SMAD1: variants seen among roughly 807,000 people sequenced by gnomAD.
SMAD1 encodes the protein SMAD family member 1.
SMAD1 carries 6 observed loss-of-function variants against 41.6 expected under a neutral mutation model. That is an observed-to-expected ratio of 0.14 (90% CI 0.08 to 0.28). The LOEUF is 0.28. Ranked by LOEUF, SMAD1 falls within the 10% of genes least tolerant of loss-of-function variation. The pLI is 1.00. For missense variants in SMAD1, 379 were observed against 582.6 expected (o/e 0.65, Z 3.60); for synonymous variants, 206 against 203.2 (o/e 1.01, Z -0.12).
At position 145,544,837 on chromosome 4, in the gene SMAD1, C is replaced by G. The variant is rs181554275; in HGVS notation, c.776-1866C>G. On this transcript the variant is annotated intron_variant, in intron 4 of 6. Coordinates refer to ENST00000302085, the MANE Select transcript of SMAD1 (RefSeq NM_005900.3). ...GAATTTATATTTGGGGACCAGGATACCAGGAGAGAATAGGCACAGTACCAC... is the reference window on the plus strand; with the variant it reads ...GAATTTATATTTGGGGACCAGGATAGCAGGAGAGAATAGGCACAGTACCAC... 9 of 152,162 alleles carry G rather than the reference C, an allele frequency of 5.9e-5. No individual in the cohort carries two copies. In the East Asian group the frequency reaches 1.5e-3, roughly 26 times the overall value. The allele number at this position is 152,162 out of a possible 1,614,324, so 9.4% of individuals were successfully genotyped here.
intron 3 of SMAD1, among the ~76,000 whole-genome samples, chr4:145,541,661 T>G (rs1731942719): frequency 1.3e-5 from 2 of 152,166 alleles, no homozygotes; most frequent in South Asian, 4.1e-4. Flanking sequence ...TGGAAATCAC[T>G]GGGGCTCTCT....
intron 2 of SMAD1, among the ~76,000 whole-genome samples, chr4:145,519,892 T>C (rs1413668123): frequency 3.9e-5 from 6 of 152,224 alleles, no homozygotes; most frequent in Admixed American, 6.5e-5. Flanking sequence ...AGTGAGATTG[T>C]GCAGTATTCG....
chr4:145,482,755 C>T lies in SMAD1; in HGVS notation c.-177+717C>T, dbSNP rs1020476733. The T allele has an allele frequency of 2.0e-5, 3 of 152,274 alleles. No individual in the cohort carries two copies. The highest frequency in any genetic ancestry group is 7.2e-5 in the African/African-American group (3 of 41,442). 9.4% of individuals were successfully genotyped at this position (152,274 alleles called of 1,614,324 possible). On this transcript the variant is annotated intron_variant, in intron 1 of 6. Transcript: ENST00000302085. The surrounding 1 kb of genome is among the most constrained non-coding windows in gnomAD (Gnocchi z 4.2). ...TTTCCCCCTCTTCCGCCTACACCCG[C>T]TGCGTCTCCTGGTGTCTCGTTCCTT... is the stretch of plus-strand genomic sequence containing the variant.
Position 145,514,435 on chromosome 4 carries a change from TAG to T in SMAD1, c.-176-2_-176-1del. The stretch of plus-strand genomic sequence containing the variant: ...TTCTAACCATTCTTTTTTTGTTTTG[TAG>T]GTGCTGACTGGGTTACTTTTTTAAA... On this transcript the variant is annotated splice_acceptor_variant, in intron 1 of 6. Transcript: ENST00000302085. LOFTEE classifies it low-confidence loss of function (5UTR_SPLICE). The surrounding 1 kb of genome is among the most constrained non-coding windows in gnomAD (Gnocchi z 4.7). 1.8e-6 allele frequency: 1 copy of T among 544,854 alleles called. No homozygotes were observed. Among genetic ancestry groups the T allele is most frequent in the African/African-American group, 1.9e-5 (1 of 52,638 alleles). 33.8% of individuals were successfully genotyped at this position (544,854 alleles called of 1,614,324 possible).
chr4:145,558,026 A>T lies in SMAD1; in HGVS notation c.*92A>T. 1 of 907,264 alleles carries T rather than the reference A, an allele frequency of 1.1e-6. No individual in the cohort carries two copies. The highest frequency in any genetic ancestry group is 1.6e-6 in the Non-Finnish European group (1 of 639,224). The allele number at this position is 907,264 out of a possible 1,614,324, so 56.2% of individuals were successfully genotyped here. The stretch of plus-strand genomic sequence containing the variant: ...AGACACGATTGAGAACTGACAAAGG[A>T]GCCTTGATAATACTTGACCTCTGTG... On this transcript the variant is annotated 3_prime_UTR_variant, in exon 7 of 7. Transcript: ENST00000302085.
rs1340868784 is a variant in SMAD1, at chr4:145,514,882, G to A, written c.269G>A (p.Arg90His). ...GGACTGCCTCATGTCATTTACTGCC[G>A]TGTGTGGCGCTGGCCCGATCTTCAG... ...RKGLPHVIYC[R>H]VWRWPDLQSH... Residue 90 changes from arginine to histidine, a missense_variant, in exon 2 of 7, where the codon CGT becomes CAT. Transcript: ENST00000302085. This position sits in a 1 kb window ranked among gnomAD's most constrained non-coding sequence, Gnocchi z 4.7. The A allele has an allele frequency of 6.2e-7, 1 of 1,613,926 alleles. No homozygotes were observed. Among genetic ancestry groups the A allele is most frequent in the Non-Finnish European group, 8.5e-7 (1 of 1,180,034 alleles).
intron 2 of SMAD1, among the ~76,000 whole-genome samples, chr4:145,522,928 C>G (rs887935857): frequency 1.3e-5 from 2 of 152,118 alleles, no homozygotes; most frequent in African/African-American, 4.8e-5. Context: ...CTGCCCGCCT[C>G]AGCCTCCCAA....
intron 6 of SMAD1, 152 bp from the exon 7 acceptor site, chr4:145,557,639 C>T (rs1452821054): frequency 5.7e-6 from 3 of 522,572 alleles, no homozygotes; most frequent in Non-Finnish European, 1.0e-5. Context: ...TGCGTTTGTG[C>T]ATGTGTGTTT....
intron 1 of SMAD1, among the ~76,000 whole-genome samples, chr4:145,500,073 G>A (rs1045031507): frequency 6.6e-6 from 1 of 152,134 alleles, no homozygotes; most frequent in African/African-American, 2.4e-5. Flanking sequence ...TGTACTTTGA[G>A]AATATATCCA....
chr4:145,507,444 A>G (rs7681713), intron 1 of SMAD1, among the ~76,000 whole-genome samples: 29 of 152,054 alleles, frequency 1.9e-4, no homozygotes, highest in African/African-American at 7.0e-4. Flanking sequence ...AGGTCTGTAT[A>G]ATATTCCATT....
intron 1 of SMAD1, among the ~76,000 whole-genome samples, chr4:145,490,960 C>A (rs989538890): frequency 6.6e-6 from 1 of 152,082 alleles, no homozygotes; most frequent in Non-Finnish European, 1.5e-5. Context: ...CAGAAAGATT[C>A]TGCAGTGGAT....
intron 2 of SMAD1, among the ~76,000 whole-genome samples, chr4:145,538,602 C>T (rs1731743917): frequency 6.6e-6 from 1 of 152,110 alleles, no homozygotes; most frequent in Admixed American, 6.6e-5. Flanking sequence ...TGCATAGATT[C>T]CCTGGAAAGC....
At chr4:145,525,265 A>G (rs865919553) in intron 2 of SMAD1, among the ~76,000 whole-genome samples, 1 of 152,246 alleles carries the variant, frequency 6.6e-6, no homozygotes, top group Non-Finnish European at 1.5e-5. Context: ...CTTAAAATGA[A>G]AATGTTCTCC....
intron 1 of SMAD1, among the ~76,000 whole-genome samples, chr4:145,486,032 T>C (rs1194151825): frequency 6.6e-6 from 1 of 152,230 alleles, no homozygotes. Context: ...CTATGTTTTT[T>C]GGTCTTTCGT....
chr4:145,510,072 C>A (rs1729994928), intron 1 of SMAD1, among the ~76,000 whole-genome samples: 1 of 152,020 alleles, frequency 6.6e-6, no homozygotes, highest in African/African-American at 2.4e-5. Flanking sequence ...TAGCTATAGA[C>A]ATGCACCGTT....
intron 2 of SMAD1, among the ~76,000 whole-genome samples, chr4:145,524,002 G>A (rs1191923683): frequency 1.3e-5 from 2 of 152,090 alleles, no homozygotes; most frequent in African/African-American, 2.4e-5. Context: ...TGACTTCAAG[G>A]CATCCTCCCA....
rs970532260 is a variant in SMAD1 at position 145,518,349 on chromosome 4, C to T, written c.400+3336C>T. Reference sequence around the variant, plus strand: ...ACTAAAAATACAAAAATAAGCCTGGCGAGGTGGGGGGCGCCTGTAATCCCA... The same window carrying T: ...ACTAAAAATACAAAAATAAGCCTGGTGAGGTGGGGGGCGCCTGTAATCCCA... On this transcript the variant is annotated intron_variant, in intron 2 of 6. Transcript: ENST00000302085. Among the ~76,000 whole-genome samples the T allele has an allele frequency of 2.0e-4, 25 of 124,602 alleles. 3 individuals are homozygous for T. The highest frequency in any genetic ancestry group is 5.4e-4 in the African/African-American group (21 of 39,054). 81.7% of individuals were successfully genotyped at this position (124,602 alleles called of 152,430 possible).
chr4:145,523,382 G>A (rs1730859127), intron 2 of SMAD1, among the ~76,000 whole-genome samples: 1 of 152,112 alleles, frequency 6.6e-6, no homozygotes, highest in Admixed American at 6.5e-5. Flanking sequence ...TGTGGTGATG[G>A]GATATATGTG....
At chr4:145,497,726 A>G (rs1322140776) in intron 1 of SMAD1, 1 of 152,204 alleles carries the variant, frequency 6.6e-6, no homozygotes, top group Non-Finnish European at 1.5e-5. Context: ...GGTAGAAAGG[A>G]CTAGATTCAT....
Sources: gnomAD v4.1 joint callset for allele counts (sites outside exome capture counted in the v4.1 genomes callset) on GRCh38, gnomAD v4.1.1 for gene constraint, Gnocchi (gnomAD v3.1) non-coding constraint, MANE v1.5 for transcripts, NCBI Gene and HGNC (gene_info 2026-07-23, HGNC 2026-07-21) for gene names.